The following MPPED2 variants were observed in gnomAD, a reference collection of about 807,000 sequenced individuals.
The protein encoded by MPPED2 is metallophosphoesterase domain containing 2, also known as metallophosphoesterase MPPED2.
Under a neutral mutation model 33.0 loss-of-function variants are expected in MPPED2, and 5 were observed. The ratio of observed to expected loss-of-function variants is 0.15; its 90% confidence interval spans 0.08 to 0.32. MPPED2 has a LOEUF of 0.32. Among genes scored for constraint, MPPED2 ranks in the 10% least tolerant of loss-of-function variants. The pLI is 1.00. For missense variants in MPPED2, 275 were observed against 372.1 expected (o/e 0.74, Z 2.15); for synonymous variants, 136 against 141.9 (o/e 0.96, Z 0.29).
intron 2 of MPPED2, among the ~76,000 whole-genome samples, chr11:30,548,585 A>G (rs1029641376): frequency 1.3e-5 from 2 of 152,208 alleles, no homozygotes; most frequent in Non-Finnish European, 2.9e-5. Flanking sequence ...AGCCATCATT[A>G]TTGAGATTCT....
At chr11:30,448,472 C>G (rs1431702060) in intron 4 of MPPED2, among the ~76,000 whole-genome samples, 1 of 152,156 alleles carries the variant, frequency 6.6e-6, no homozygotes, top group Admixed American at 6.6e-5. Flanking sequence ...ACGGGTTCCA[C>G]AGATTATCCT....
At chr11:30,405,759 T>C (rs1336412699), downstream of MPPED2, among the ~76,000 whole-genome samples, 1 of 152,206 alleles carries the variant, frequency 6.6e-6, no homozygotes, top group Admixed American at 6.5e-5. Context: ...CCTCTGCCCC[T>C]GCCTTTTTTT....
intron 2 of MPPED2, among the ~76,000 whole-genome samples, chr11:30,572,680 T>C (rs1240442472): frequency 2.0e-5 from 3 of 152,196 alleles, no homozygotes; most frequent in African/African-American, 7.2e-5. Flanking sequence ...AATAAATTTC[T>C]ACCTTGTTAG....
At chr11:30,563,352 C>T (rs896415512) in intron 2 of MPPED2, among the ~76,000 whole-genome samples, 2 of 152,134 alleles carry the variant, frequency 1.3e-5, no homozygotes, top group Admixed American at 6.5e-5. Context: ...GTAGATCCCT[C>T]GTATGCACAG....
At chr11:30,522,625 G>T (rs1351236732) in intron 3 of MPPED2, among the ~76,000 whole-genome samples, 1 of 152,158 alleles carries the variant, frequency 6.6e-6, no homozygotes, top group East Asian at 1.9e-4. Flanking sequence ...CTGATGCGAG[G>T]CTCTTCTGGG....
At chr11:30,477,936 T>G (rs2134101593) in intron 4 of MPPED2, among the ~76,000 whole-genome samples, 1 of 152,154 alleles carries the variant, frequency 6.6e-6, no homozygotes, top group African/African-American at 2.4e-5. Flanking sequence ...CTTATTTAGC[T>G]CTCTCTTTTT....
chr11:30,500,674 C>T (rs543802755), intron 3 of MPPED2, among the ~76,000 whole-genome samples: 2 of 152,272 alleles, frequency 1.3e-5, no homozygotes, highest in South Asian at 2.1e-4. Context: ...CATCAGTGCA[C>T]GTTCACTATT....
intron 4 of MPPED2, among the ~76,000 whole-genome samples, chr11:30,492,031 G>A (rs1376756616): frequency 1.3e-5 from 2 of 152,232 alleles, no homozygotes; most frequent in East Asian, 3.8e-4. Flanking sequence ...ACCTTTAGGA[G>A]AACATTTCAG....
intron 3 of MPPED2, among the ~76,000 whole-genome samples, 157 bp from the exon 4 acceptor site, chr11:30,495,678 A>G (rs1160083877): frequency 4.6e-5 from 7 of 152,222 alleles, no homozygotes; most frequent in African/African-American, 1.7e-4. Flanking sequence ...CTACTACTTT[A>G]TGCTAACAAA....
At chr11:30,561,286 C>T (rs1381894520) in intron 2 of MPPED2, among the ~76,000 whole-genome samples, 1 of 152,182 alleles carries the variant, frequency 6.6e-6, no homozygotes, top group African/African-American at 2.4e-5. Context: ...AAGTTGGGGT[C>T]TTGAGCATTC....
intron 3 of MPPED2, among the ~76,000 whole-genome samples, chr11:30,514,833 G>C (rs1489141539): frequency 6.6e-6 from 1 of 152,200 alleles, no homozygotes; most frequent in Non-Finnish European, 1.5e-5. Flanking sequence ...CTGGCGCAAT[G>C]ACTCACTCCT....
At chr11:30,582,360 A>C (rs1957206983) in intron 1 of MPPED2, among the ~76,000 whole-genome samples, 1 of 152,224 alleles carries the variant, frequency 6.6e-6, no homozygotes, top group South Asian at 2.1e-4. Flanking sequence ...AGACTGTGAG[A>C]AGTTAGTGTT....
intron 5 of MPPED2, among the ~76,000 whole-genome samples, chr11:30,414,761 A>G (rs898877048): frequency 1.7e-4 from 26 of 152,256 alleles, no homozygotes; most frequent in African/African-American, 5.8e-4. Flanking sequence ...GACTGAGAGG[A>G]GCTGCCTGTA....
At position 30,535,980 on chromosome 11, in the gene MPPED2, C is replaced by A. The variant is rs376719393; in HGVS notation, c.310+14G>T. ...AAGGTTAATTGGGGCCGCCAGAACG[C>A]AATCATTCCTTACCTAACCAGTCAT... On this transcript the variant is annotated intron_variant, in intron 3 of 6. Transcript: ENST00000358117. 9.0e-5 allele frequency: 142 copies of A among 1,581,538 alleles called. No homozygotes were observed. In the African/African-American group the frequency reaches 1.8e-3, roughly 20 times the overall value.
At chr11:30,487,997 A>G (rs923374146) in intron 4 of MPPED2, among the ~76,000 whole-genome samples, 4 of 152,098 alleles carry the variant, frequency 2.6e-5, no homozygotes, top group African/African-American at 9.7e-5. Flanking sequence ...CGGAGTAGAC[A>G]GACATCTAGG....
chr11:30,532,494 G>A (rs890255989), intron 3 of MPPED2, among the ~76,000 whole-genome samples: 1 of 152,152 alleles, frequency 6.6e-6, no homozygotes, highest in Admixed American at 6.5e-5. Flanking sequence ...GGCTCTGTTG[G>A]TTTCCTCTAC....
At chr11:30,399,705 T>C (rs1412808951) in intron 6 of MPPED2, among the ~76,000 whole-genome samples, 1 of 152,166 alleles carries the variant, frequency 6.6e-6, no homozygotes, top group Non-Finnish European at 1.5e-5. Flanking sequence ...TAGAAATAGG[T>C]TGAATTACCA....
At chr11:30,584,341 T>TACACACACACACACACACAC (rs142791324) in intron 1 of MPPED2, 11 of 111,686 alleles carry the variant, frequency 9.8e-5, no homozygotes, top group African/African-American at 3.5e-4. Context: ...CTTTATGAAC[T>TACACACACACACACACACAC]ACACACACAC....
intron 2 of MPPED2, among the ~76,000 whole-genome samples, chr11:30,570,100 C>G (rs2134804727): frequency 6.6e-6 from 1 of 152,216 alleles, no homozygotes; most frequent in South Asian, 2.1e-4. Flanking sequence ...GTTTGAGATG[C>G]TATTAACAAA....
Sources: allele counts gnomAD v4.1 joint callset (sites outside exome capture counted in the v4.1 genomes callset), GRCh38; gene constraint gnomAD v4.1.1; transcripts MANE v1.5; gene names NCBI Gene and HGNC (gene_info 2026-07-23, HGNC 2026-07-21).